COMMD10: variants seen among roughly 807,000 people sequenced by gnomAD.
COMMD10 encodes COMM domain containing 10.
In COMMD10, 33 loss-of-function variants were observed where a neutral mutation model predicts 28.9. The observed-to-expected ratio is 1.14, with a 90% CI of 0.87 to 1.53. The LOEUF (loss-of-function observed/expected upper bound fraction) is 1.53. COMMD10 is among the 40% of genes most tolerant of loss of function. COMMD10 has a pLI of 0.00. For missense variants in COMMD10, 310 were observed against 233.4 expected (o/e 1.33, Z -2.14); for synonymous variants, 110 against 81.7 (o/e 1.35, Z -1.87).
chr5:116,110,743 C>T (rs551423674), intron 4 of COMMD10, among the ~76,000 whole-genome samples: 1 of 152,232 alleles, frequency 6.6e-6, no homozygotes, highest in East Asian at 1.9e-4. Flanking sequence ...ACAAAACAAT[C>T]ATAGCAAAAG....
intron 5 of COMMD10, among the ~76,000 whole-genome samples, chr5:116,211,906 C>G (rs1169174098): frequency 1.3e-5 from 2 of 152,106 alleles, no homozygotes; most frequent in South Asian, 2.1e-4. Flanking sequence ...ACAGCACAGA[C>G]TTGGATCAGA....
intron 5 of COMMD10, among the ~76,000 whole-genome samples, chr5:116,171,759 A>G (rs1014944570): frequency 6.6e-6 from 1 of 152,132 alleles, no homozygotes; most frequent in East Asian, 1.9e-4. Flanking sequence ...GCTCTCACTC[A>G]TAAGGGGGAG....
chr5:116,086,941 C>T (rs1299021946), intron 1 of COMMD10, among the ~76,000 whole-genome samples: 1 of 152,186 alleles, frequency 6.6e-6, no homozygotes, highest in African/African-American at 2.4e-5. Context: ...CGTGCCACTG[C>T]ACTCCAGCCT....
intron 5 of COMMD10, among the ~76,000 whole-genome samples, chr5:116,157,836 A>G (rs1752767630): frequency 6.6e-6 from 1 of 152,134 alleles, no homozygotes; most frequent in Non-Finnish European, 1.5e-5. Context: ...TCATGTCCAG[A>G]ACTGCTAGTA....
chr5:116,093,145 C>T (rs1466291600), intron 4 of COMMD10, among the ~76,000 whole-genome samples: 1 of 152,072 alleles, frequency 6.6e-6, no homozygotes, highest in Non-Finnish European at 1.5e-5. Context: ...GCAAAACTAT[C>T]GCAATTTCGA....
chr5:116,193,603 T>G (rs1212202233), intron 5 of COMMD10, among the ~76,000 whole-genome samples: 2 of 152,144 alleles, frequency 1.3e-5, no homozygotes, highest in Non-Finnish European at 2.9e-5. Flanking sequence ...GTAAAAGGCC[T>G]TGTCCAACAG....
intron 5 of COMMD10, among the ~76,000 whole-genome samples, chr5:116,154,574 G>A (rs759023549): frequency 5.9e-5 from 9 of 152,036 alleles, no homozygotes; most frequent in East Asian, 1.9e-4. Flanking sequence ...AATCTTTGGA[G>A]CTCTGATATA....
chr5:116,270,015 T>G (rs1318577759), intron 5 of COMMD10, among the ~76,000 whole-genome samples: 1 of 146,634 alleles, frequency 6.8e-6, no homozygotes, highest in Non-Finnish European at 1.5e-5. Flanking sequence ...CTTTCAAGCC[T>G]TCTAATCTAA....
chr5:116,218,101 C>T (rs1749151837), intron 5 of COMMD10: 11 of 1,313,052 alleles, frequency 8.4e-6, no homozygotes, highest in Non-Finnish European at 1.2e-5. Flanking sequence ...GGTTATTCCC[C>T]TCCTTGCCAG....
intron 5 of COMMD10, among the ~76,000 whole-genome samples, chr5:116,149,850 CTTTAG>C (rs2112550013): frequency 6.7e-6 from 1 of 149,488 alleles, no homozygotes; most frequent in East Asian, 2.0e-4. Context: ...TGCAGAAGCT[CTTTAG>C]TTTAATTAGA....
chr5:116,153,006 G>A (rs1034371578), intron 5 of COMMD10, among the ~76,000 whole-genome samples: 1 of 151,922 alleles, frequency 6.6e-6, no homozygotes, highest in African/African-American at 2.4e-5. Flanking sequence ...TTTTAGATTG[G>A]CATGGTAGTA....
chr5:116,123,692 C>T (rs1363894927), intron 4 of COMMD10, among the ~76,000 whole-genome samples: 1 of 152,158 alleles, frequency 6.6e-6, no homozygotes, highest in Non-Finnish European at 1.5e-5. Flanking sequence ...ATGAATCTGT[C>T]TGGTCCTTGG....
At chr5:116,118,793 T>C (rs575180307) in intron 4 of COMMD10, among the ~76,000 whole-genome samples, 2 of 152,176 alleles carry the variant, frequency 1.3e-5, no homozygotes, top group African/African-American at 4.8e-5. Flanking sequence ...GATGCAGAAA[T>C]CAATTTAAAA....
At chr5:116,278,825 G>C (rs1561406075) in intron 5 of COMMD10, among the ~76,000 whole-genome samples, 1 of 151,748 alleles carries the variant, frequency 6.6e-6, no homozygotes, top group South Asian at 2.1e-4. Context: ...TAAATACTTA[G>C]AGTGTAATTA....
At chr5:116,122,496 T>G (rs1310987631) in intron 4 of COMMD10, among the ~76,000 whole-genome samples, 1 of 152,238 alleles carries the variant, frequency 6.6e-6, no homozygotes, top group Admixed American at 6.5e-5. Flanking sequence ...AACTTTAAAG[T>G]AGTTTTTCCA....
intron 1 of COMMD10, among the ~76,000 whole-genome samples, chr5:116,086,163 A>G (rs1259862046): frequency 1.3e-5 from 2 of 152,122 alleles, no homozygotes; most frequent in African/African-American, 4.8e-5. Context: ...TTACAAAGTC[A>G]TTTTCTCCGC....
chr5:116,150,978 T>C (rs1461160333), intron 5 of COMMD10, among the ~76,000 whole-genome samples: 3 of 151,892 alleles, frequency 2.0e-5, no homozygotes, highest in Non-Finnish European at 4.4e-5. Context: ...CATTCAGGTA[T>C]GATATTGGCT....
At chr5:116,230,011 C>G (rs1561677496) in intron 5 of COMMD10, among the ~76,000 whole-genome samples, 1 of 151,916 alleles carries the variant, frequency 6.6e-6, no homozygotes, top group Non-Finnish European at 1.5e-5. Context: ...ATGATTCAAT[C>G]AATTGAGTAT....
At chr5:116,142,558 C>T (rs1377536697) in intron 5 of COMMD10, among the ~76,000 whole-genome samples, 7 of 151,568 alleles carry the variant, frequency 4.6e-5, no homozygotes, top group Admixed American at 1.3e-4. Flanking sequence ...TACACAGAAA[C>T]GCAAACGTTG....
Sources: allele counts gnomAD v4.1 joint callset (sites outside exome capture counted in the v4.1 genomes callset), GRCh38; gene constraint gnomAD v4.1.1; transcripts MANE v1.5; gene names NCBI Gene and HGNC (gene_info 2026-07-23, HGNC 2026-07-21).